The following SRPK2 variants were observed in gnomAD, a reference collection of about 807,000 sequenced individuals.
SRPK2 encodes the protein SRSF protein kinase 2.
SRPK2 carries 21 observed loss-of-function variants against 90.8 expected under a neutral mutation model. The ratio of observed to expected loss-of-function variants is 0.23; its 90% CI spans 0.16 to 0.33. The LOEUF (loss-of-function observed/expected upper bound fraction) is 0.33. Ranked by LOEUF, SRPK2 falls within the 10% of genes least tolerant of loss-of-function variation. SRPK2 has a pLI of 1.00. For synonymous variants in SRPK2, 288 were observed against 311.1 expected, an observed-to-expected ratio of 0.93 and a Z score of 0.78; for missense variants, 620 against 869.0, an observed-to-expected ratio of 0.71 and a Z score of 3.60.
At chr7:105,330,795 T>C (rs560038447) in intron 2 of SRPK2, among the ~76,000 whole-genome samples, 1 of 151,528 alleles carries the variant, frequency 6.6e-6, no homozygotes. Context: ...GCCTAGGCAA[T>C]ACAGTGAGAC....
chr7:105,171,442 T>C (rs1791134842), intron 3 of SRPK2, among the ~76,000 whole-genome samples: 1 of 152,246 alleles, frequency 6.6e-6, no homozygotes, highest in Non-Finnish European at 1.5e-5. Flanking sequence ...TTTTAACATT[T>C]GCTTTTTTAT....
intron 2 of SRPK2, among the ~76,000 whole-genome samples, chr7:105,261,244 G>A (rs952452308): frequency 3.9e-5 from 6 of 152,174 alleles, no homozygotes; most frequent in African/African-American, 1.2e-4. Context: ...AAATCTGGCC[G>A]GGTGTGGTGG....
chr7:105,287,313 T>C (rs1808274372), intron 2 of SRPK2, among the ~76,000 whole-genome samples: 1 of 148,230 alleles, frequency 6.7e-6, no homozygotes, highest in African/African-American at 2.5e-5. Flanking sequence ...GATCCACATG[T>C]ACTGATAAAC....
At chr7:105,151,577 C>T (rs2129578941) in intron 7 of SRPK2, among the ~76,000 whole-genome samples, 1 of 152,254 alleles carries the variant, frequency 6.6e-6, no homozygotes, top group East Asian at 1.9e-4. Flanking sequence ...CGCTATGTTC[C>T]CAGGCTGGAG....
At chr7:105,279,662 A>T (rs1163850177) in intron 2 of SRPK2, among the ~76,000 whole-genome samples, 1 of 152,270 alleles carries the variant, frequency 6.6e-6, no homozygotes, top group African/African-American at 2.4e-5. Context: ...ACAATGTATT[A>T]AATAAATTTC....
intron 2 of SRPK2, among the ~76,000 whole-genome samples, chr7:105,217,695 T>G (rs1341901264): frequency 1.3e-5 from 2 of 152,228 alleles, no homozygotes; most frequent in South Asian, 2.1e-4. Context: ...CTTATTTACT[T>G]GTTCAAGAAA....
chr7:105,146,176 A>C (rs543613417), intron 8 of SRPK2, among the ~76,000 whole-genome samples: 7 of 152,346 alleles, frequency 4.6e-5, no homozygotes. Context: ...TGATGACTAA[A>C]GGTCAGCTAC....
intron 2 of SRPK2, among the ~76,000 whole-genome samples, chr7:105,303,781 T>C (rs1374554528): frequency 3.3e-5 from 5 of 152,284 alleles, no homozygotes; most frequent in Non-Finnish European, 7.3e-5. Flanking sequence ...ACTCAATTCG[T>C]ACAGTTTAAT....
intron 2 of SRPK2, among the ~76,000 whole-genome samples, chr7:105,358,929 G>C (rs570442289): frequency 2.0e-4 from 29 of 145,586 alleles, no homozygotes; most frequent in South Asian, 6.4e-4. Context: ...TAAGAACACA[G>C]AGAGAGAGAG....
intron 11 of SRPK2, among the ~76,000 whole-genome samples, chr7:105,136,263 G>A (rs1373806572): frequency 2.6e-5 from 4 of 152,136 alleles, no homozygotes; most frequent in Non-Finnish European, 5.9e-5. Flanking sequence ...AAGAGATTTT[G>A]CTTTTCTTTC....
rs1254589511 is a variant in SRPK2, at chr7:105,363,849, C to A, written c.71+24799G>T. ...CACATATACACCATGGAATACTATG[C>A]AGCCATAAAAAAGGATGAGTTCATG... On this transcript the variant is annotated intron_variant, in intron 2 of 15. Coordinates refer to ENST00000393651, the MANE Select transcript of SRPK2 (RefSeq NM_182692.3). Among the ~76,000 whole-genome samples the A allele has an allele frequency of 7.2e-5, 11 of 152,148 alleles. 1 individual carries two copies. The highest frequency in any genetic ancestry group is 1.6e-4 in the Non-Finnish European group (11 of 68,044).
At chr7:105,388,259 G>T (rs984347757) in intron 2 of SRPK2, among the ~76,000 whole-genome samples, 1 of 151,790 alleles carries the variant, frequency 6.6e-6, no homozygotes. Flanking sequence ...CTCCCGCAGC[G>T]GGCGGGCCGG....
chr7:105,247,794 T>TA (rs1422152102), intron 2 of SRPK2, among the ~76,000 whole-genome samples: 1 of 152,156 alleles, frequency 6.6e-6, no homozygotes, highest in Non-Finnish European at 1.5e-5. Flanking sequence ...CTCCTGGGCT[T>TA]AAGTGATCCT....
chr7:105,345,174 GGAGGA>G lies in SRPK2; in HGVS notation c.71+43469_71+43473del, dbSNP rs202106187. ...AGGGGAGAGGGCAGGGGAAGGCAAGGGAGGAGAGGAGAGGGGAGGGGAGGGGAGGG... is the reference window on the plus strand; with the variant it reads ...AGGGGAGAGGGCAGGGGAAGGCAAGGGAGGAGAGGGGAGGGGAGGGGAGGG... On this transcript the variant is annotated intron_variant, in intron 2 of 15. Transcript: ENST00000393651. Among the ~76,000 whole-genome samples, 687 of 149,982 alleles carry G rather than the reference GGAGGA, an allele frequency of 4.6e-3. 10 individuals are homozygous for G. In the East Asian group the frequency reaches 0.051, roughly 11 times the overall value.
chr7:105,232,829 A>G (rs983155943), intron 2 of SRPK2, among the ~76,000 whole-genome samples: 1 of 152,116 alleles, frequency 6.6e-6, no homozygotes, highest in Non-Finnish European at 1.5e-5. Flanking sequence ...CCTGGCCAAC[A>G]TGGTGAAACC....
At chr7:105,282,020 G>T (rs1008597278) in intron 2 of SRPK2, among the ~76,000 whole-genome samples, 2 of 152,044 alleles carry the variant, frequency 1.3e-5, no homozygotes, top group African/African-American at 4.8e-5. Flanking sequence ...CTTGAAAAAA[G>T]AAAAAGTTGG....
At chr7:105,244,620 C>T (rs1247671980) in intron 2 of SRPK2, 4 of 680,958 alleles carry the variant, frequency 5.9e-6, no homozygotes, top group South Asian at 3.2e-5. Flanking sequence ...CCAGCCCCAG[C>T]GCGCCAGGGC....
At chr7:105,146,750 G>T in intron 7 of SRPK2, 92 bp from the exon 8 acceptor site, 4 of 1,328,434 alleles carry the variant, frequency 3.0e-6, no homozygotes, top group Non-Finnish European at 4.2e-6. Flanking sequence ...ACAATGCCAG[G>T]GTACAAAGTT....
At chr7:105,168,613 GT>G (rs1256643538) in intron 4 of SRPK2, among the ~76,000 whole-genome samples, 1 of 151,734 alleles carries the variant, frequency 6.6e-6, no homozygotes, top group East Asian at 1.9e-4. Flanking sequence ...GTTTTGTTTT[GT>G]TTTTTCCCTA....
Sources: gnomAD v4.1 joint callset for allele counts (sites outside exome capture counted in the v4.1 genomes callset) on GRCh38, gnomAD v4.1.1 for gene constraint, MANE v1.5 for transcripts, NCBI Gene and HGNC (gene_info 2026-07-23, HGNC 2026-07-21) for gene names.